SDK1: variants seen among roughly 807,000 people sequenced by gnomAD.
The protein encoded by SDK1 is protein sidekick-1.
Under a neutral mutation model 245.5 loss-of-function variants are expected in SDK1, and 157 were observed. That is an observed-to-expected ratio of 0.64 (90% CI 0.56 to 0.73). The LOEUF is 0.73. Ranked by LOEUF, SDK1 falls within the 30% of genes least tolerant of loss-of-function variation. SDK1 has a pLI of 0.00. For synonymous variants in SDK1, 1,647 were observed against 1,278.5 expected (o/e 1.29, Z -6.15); for missense variants, 3,583 against 3,002.3 (o/e 1.19, Z -4.52).
chr7:3,499,177 C>T (rs530392825), intron 1 of SDK1, among the ~76,000 whole-genome samples: 8 of 152,256 alleles, frequency 5.3e-5, no homozygotes, highest in South Asian at 2.1e-4. Context: ...TGAAATTTTA[C>T]GCATTTCAGC....
At chr7:3,821,649 T>A (rs1316107573) in intron 5 of SDK1, 66 bp downstream of exon 5, 1 of 1,536,526 alleles carries the variant, frequency 6.5e-7, no homozygotes, top group Non-Finnish European at 8.9e-7. Flanking sequence ...CAGTAACCAC[T>A]GTCTGACAGG....
At chr7:4,070,866 C>T (rs559382089) in intron 20 of SDK1, among the ~76,000 whole-genome samples, 6 of 152,056 alleles carry the variant, frequency 3.9e-5, no homozygotes, top group African/African-American at 4.8e-5. Context: ...TGAGCCACCA[C>T]GCCTGGCTAA....
At chr7:3,834,724 G>A (rs1410685420) in intron 5 of SDK1, among the ~76,000 whole-genome samples, 1 of 152,184 alleles carries the variant, frequency 6.6e-6, no homozygotes, top group East Asian at 1.9e-4. Context: ...CCACTAGAAC[G>A]TAAGTTCCGC....
intron 5 of SDK1, among the ~76,000 whole-genome samples, chr7:3,894,198 C>T (rs991314388): frequency 3.9e-5 from 6 of 152,136 alleles, no homozygotes; most frequent in African/African-American, 7.2e-5. Context: ...AATGTACTAC[C>T]GATGGTATTA....
At chr7:3,971,379 G>A in intron 11 of SDK1, 87 bp from the exon 12 acceptor site, 1 of 850,590 alleles carries the variant, frequency 1.2e-6, no homozygotes, top group East Asian at 2.6e-5. Flanking sequence ...AGGTTGTGAT[G>A]TCAGATGACC....
At position 4,003,490 on chromosome 7, in the gene SDK1, G is replaced by A. The variant is rs780926318; in HGVS notation, c.2132-7476G>A. On this transcript the variant is annotated intron_variant, in intron 14 of 44. Transcript: ENST00000404826. The stretch of plus-strand genomic sequence containing the variant: ...GTCTCTCCCTGATGACGTCTTTCCC[G>A]CTCTGTTGCAGGATCCCGTCCAGGA... 3.9e-5 allele frequency among the ~76,000 whole-genome samples: 6 copies of A among 152,082 alleles called. No individual in the cohort carries two copies. In the South Asian group the frequency reaches 6.2e-4, roughly 16 times the overall value.
chr7:3,687,426 C>G (rs780910042), intron 4 of SDK1, among the ~76,000 whole-genome samples: 4 of 152,156 alleles, frequency 2.6e-5, no homozygotes, highest in Non-Finnish European at 5.9e-5. Context: ...CCCGCCCAGC[C>G]CCATAGCATT....
chr7:3,962,725 T>C lies in SDK1; in HGVS notation c.1303T>C (p.Tyr435His). 1.2e-6 allele frequency: 2 copies of C among 1,613,788 alleles called. No homozygotes were observed. Among genetic ancestry groups the C allele is most frequent in the Non-Finnish European group, 1.7e-6 (2 of 1,179,874 alleles). Reference protein sequence around the residue: ...ISISRLQNPRYKVLASGGLRI... With the variant: ...ISISRLQNPRHKVLASGGLRI... ...CATCAGCAGGCTCCAGAATCCTCGA[T>C]ACAAAGTGCTCGCCAGCGGAGGCCT... The change falls in exon 9 of 45, where the codon TAC (tyrosine) becomes CAC (histidine). Residue 435 changes from tyrosine (Y) to histidine (H), a missense_variant. Tyr to His is a moderately conservative substitution (Grantham distance 83). Transcript: ENST00000404826.
intron 4 of SDK1, among the ~76,000 whole-genome samples, chr7:3,813,573 CATGT>C (rs1453134872): frequency 6.6e-6 from 1 of 150,820 alleles, no homozygotes; most frequent in African/African-American, 2.5e-5. Flanking sequence ...AGTAAACATA[CATGT>C]GCATGTGTCT....
Position 3,729,360 on chromosome 7 carries a change from A to G in SDK1, c.713+87255A>G, listed in dbSNP as rs143677525. Among the ~76,000 whole-genome samples, 363 of 152,304 alleles carry G rather than the reference A, an allele frequency of 2.4e-3. 3 individuals are homozygous for G. The highest frequency in any genetic ancestry group is 8.4e-3 in the African/African-American group (351 of 41,554). ...GTGCTTGCTCTAGCGCTGTATTCCT[A>G]CACAGTAGCCTAGACTATTGGTCGA... On this transcript the variant is annotated intron_variant, in intron 4 of 44. Transcript: ENST00000404826.
chr7:3,429,644 T>C (rs1233237446), intron 1 of SDK1, among the ~76,000 whole-genome samples: 1 of 151,370 alleles, frequency 6.6e-6, no homozygotes, highest in East Asian at 1.9e-4. Flanking sequence ...TCACCCAGGC[T>C]GTAGTGCAGT....
intron 1 of SDK1, among the ~76,000 whole-genome samples, chr7:3,589,231 G>C (rs767105443): frequency 1.3e-5 from 2 of 152,196 alleles, no homozygotes; most frequent in Non-Finnish European, 2.9e-5. Flanking sequence ...CGGACTCTTT[G>C]ATGTCAGTAC....
chr7:4,032,488 C>A (rs530069041), intron 17 of SDK1, among the ~76,000 whole-genome samples: 2 of 152,294 alleles, frequency 1.3e-5, no homozygotes, highest in South Asian at 4.1e-4. Context: ...GAAATCGACA[C>A]ATTTGCCACA....
chr7:4,045,091 G>A (rs1788924200), intron 17 of SDK1, among the ~76,000 whole-genome samples: 1 of 152,098 alleles, frequency 6.6e-6, no homozygotes, highest in African/African-American at 2.4e-5. Flanking sequence ...GTGCGTTCAT[G>A]CGTATAAGTA....
chr7:4,168,710 G>C (rs1307694324), intron 32 of SDK1, among the ~76,000 whole-genome samples: 1 of 152,152 alleles, frequency 6.6e-6, no homozygotes, highest in Non-Finnish European at 1.5e-5. Context: ...CCAGTTCCTC[G>C]AGCTGCTGCA....
chr7:3,629,155 G>A (rs904583760), intron 2 of SDK1, among the ~76,000 whole-genome samples: 2 of 151,108 alleles, frequency 1.3e-5, no homozygotes, highest in East Asian at 3.9e-4. Context: ...AAAAAAATTA[G>A]CCGGGCATGG....
chr7:4,236,913 G>C (rs1786202635), intron 41 of SDK1, among the ~76,000 whole-genome samples: 1 of 152,096 alleles, frequency 6.6e-6, no homozygotes, highest in Non-Finnish European at 1.5e-5. Flanking sequence ...TTGCTGCCTT[G>C]CTTGTTTTGT....
intron 14 of SDK1, among the ~76,000 whole-genome samples, chr7:4,004,808 T>C (rs1306153797): frequency 2.0e-5 from 3 of 152,172 alleles, no homozygotes; most frequent in Admixed American, 6.5e-5. Flanking sequence ...AGTCTATATT[T>C]AATTTTCCCT....
chr7:4,259,843 C>T (rs1787865516), intron 44 of SDK1, among the ~76,000 whole-genome samples: 1 of 152,222 alleles, frequency 6.6e-6, no homozygotes, highest in Non-Finnish European at 1.5e-5. Context: ...GTTACAGGAT[C>T]TGCGGAGGTG....
Sources: gnomAD v4.1 joint callset for allele counts (sites outside exome capture counted in the v4.1 genomes callset) on GRCh38, gnomAD v4.1.1 for gene constraint, MANE v1.5 for transcripts, NCBI Gene and HGNC (gene_info 2026-07-23, HGNC 2026-07-21) for gene names.